The following CDK13 variants were observed in gnomAD, a reference collection of about 807,000 sequenced individuals.
The protein encoded by CDK13 is cyclin-dependent kinase 13.
A neutral mutation model predicts 137.6 loss-of-function variants in CDK13; 40 were observed. That is an observed-to-expected ratio of 0.29 (90% confidence interval 0.23 to 0.38). CDK13 has a LOEUF of 0.38. CDK13 is among the 10% of genes least tolerant of loss of function. The pLI is 1.00. For synonymous variants in CDK13, 869 were observed against 760.1 expected (o/e 1.14, Z -2.36); for missense variants, 1,704 against 1,951.8 (o/e 0.87, Z 2.39).
chr7:40,046,277 C>T (rs1009358049), intron 6 of CDK13, among the ~76,000 whole-genome samples: 2 of 152,050 alleles, frequency 1.3e-5, no homozygotes, highest in Non-Finnish European at 2.9e-5. Context: ...AATAAAGATA[C>T]GGTGTTACAT....
At chr7:40,036,529 G>A (rs1035826788) in intron 5 of CDK13, among the ~76,000 whole-genome samples, 1 of 152,080 alleles carries the variant, frequency 6.6e-6, no homozygotes, top group Non-Finnish European at 1.5e-5. Flanking sequence ...TTGAGATCGT[G>A]CACTGTACTC....
rs141983003 is a variant in CDK13 at position 40,069,585 on chromosome 7, T to G, written c.2780+6485T>G. The G allele has an allele frequency of 1.7e-3, 466 of 274,398 alleles. 1 individual carries two copies. The highest frequency in any genetic ancestry group is 2.6e-3 in the Non-Finnish European group (356 of 134,790). 17.0% of individuals were successfully genotyped at this position (274,398 alleles called of 1,614,324 possible). A position where few individuals can be genotyped will look rare whatever the true frequency, so the allele number is the denominator to read the frequency against. ...CACCTTATTTACAGTAATGCTAGGTTGTTTATAGGCTCAGGAATGATGAGA... is the reference window on the plus strand; with the variant it reads ...CACCTTATTTACAGTAATGCTAGGTGGTTTATAGGCTCAGGAATGATGAGA... On this transcript the variant is annotated intron_variant, in intron 9 of 13. Transcript: ENST00000181839.
intron 1 of CDK13, among the ~76,000 whole-genome samples, chr7:39,976,317 T>TCACACACACA (rs1240166684): frequency 1.3e-3 from 84 of 63,794 alleles, no homozygotes; most frequent in African/African-American, 3.6e-3. Context: ...TCTCTCTCTC[T>TCACACACACA]CTCTCTCACA....
At chr7:39,978,679 T>C (rs1039975658) in intron 1 of CDK13, among the ~76,000 whole-genome samples, 1 of 152,240 alleles carries the variant, frequency 6.6e-6, no homozygotes, top group Non-Finnish European at 1.5e-5. Context: ...TCTCAGACTT[T>C]AATGGATATC....
chr7:39,984,985 G>A (rs1408390078), intron 1 of CDK13: 4 of 148,666 alleles, frequency 2.7e-5, no homozygotes, highest in African/African-American at 5.1e-5. Flanking sequence ...GGGCTGGAGC[G>A]AGACTCTGAC....
intron 3 of CDK13, chr7:39,998,360 C>G (rs1433094408): frequency 6.9e-6 from 1 of 144,584 alleles, no homozygotes; most frequent in Non-Finnish European, 1.5e-5. Context: ...AATCCCAGCA[C>G]TTTGGGAGGC....
chr7:40,094,781 C>T lies in CDK13; in HGVS notation c.4340C>T (p.Pro1447Leu), dbSNP rs758930035. 5.0e-6 allele frequency: 8 copies of T among 1,607,534 alleles called. No homozygotes were observed. The highest frequency in any genetic ancestry group is 6.8e-6 in the Non-Finnish European group (8 of 1,177,376). Residue 1447 changes from proline (P) to leucine (L), a missense_variant, in exon 14 of 14, where the codon CCA becomes CTA. Pro to Leu is a moderately conservative substitution (Grantham distance 98). Around this residue, in one of 5 missense-constraint regions of CDK13, gnomAD observed 475 missense variants for 579.3 expected, o/e 0.82. Transcript: ENST00000181839. The part of the protein sequence containing the change: ...LANSSDPSTG[P>L]ESTHPLPAKM... ...AACAGCAGTGACCCTTCCACGGGGC[C>T]AGAGAGTACTCATCCTTTGCCAGCA...
At chr7:40,048,061 ATC>A (rs1785789713) in intron 7 of CDK13, 184 bp downstream of exon 7, 2 of 404,330 alleles carry the variant, frequency 4.9e-6, no homozygotes, top group Admixed American at 4.1e-5. Flanking sequence ...TTTATACATT[ATC>A]TCAATTTAAA....
intron 7 of CDK13, chr7:40,048,252 T>C (rs1415151546): frequency 5.9e-6 from 1 of 170,862 alleles, no homozygotes; most frequent in Non-Finnish European, 1.3e-5. Flanking sequence ...GATTTTATTG[T>C]TATATCTACA....
At chr7:40,029,590 C>T (rs930160821) in intron 5 of CDK13, among the ~76,000 whole-genome samples, 3 of 150,754 alleles carry the variant, frequency 2.0e-5, no homozygotes, top group South Asian at 2.1e-4. Context: ...CGTGATGGCG[C>T]GCGCCTGTAG....
intron 5 of CDK13, among the ~76,000 whole-genome samples, chr7:40,044,884 C>T (rs1458802320): frequency 6.6e-6 from 1 of 152,128 alleles, no homozygotes; most frequent in East Asian, 1.9e-4. Flanking sequence ...GATCCGCCCA[C>T]CTTGGCCTCC....
At chr7:40,080,884 T>A (rs1786649595) in intron 11 of CDK13, among the ~76,000 whole-genome samples, 1 of 152,198 alleles carries the variant, frequency 6.6e-6, no homozygotes, top group Non-Finnish European at 1.5e-5. Context: ...CTGTAAGAAC[T>A]AGGACTTTAT....
intron 5 of CDK13, among the ~76,000 whole-genome samples, chr7:40,030,462 T>G (rs1039750513): frequency 6.9e-6 from 1 of 144,594 alleles, no homozygotes; most frequent in Non-Finnish European, 1.5e-5. Context: ...GATAAGAGTC[T>G]TGGTCTGACA....
Position 39,976,288 on chromosome 7 carries a change from G to GTCTCTCTCTCTCTCTCTC in CDK13, c.1212-11292_1212-11275dup, listed in dbSNP as rs1174858221. Among the ~76,000 whole-genome samples, 195 of 29,844 alleles carry GTCTCTCTCTCTCTCTCTC rather than the reference G, an allele frequency of 6.5e-3. 19 individuals are homozygous for GTCTCTCTCTCTCTCTCTC. The highest frequency in any genetic ancestry group is 0.013 in the Non-Finnish European group (141 of 11,262). 19.6% of individuals were successfully genotyped at this position (29,844 alleles called of 152,430 possible). ...AGCCTGGGCAACAGAGCGAGATTCC[G>GTCTCTCTCTCTCTCTCTC]TCTCTCTCTCTCTCTCTCTCTCTCT... On this transcript the variant is annotated intron_variant, in intron 1 of 13. Transcript: ENST00000181839.
intron 12 of CDK13, among the ~76,000 whole-genome samples, chr7:40,090,013 G>C (rs908625389): frequency 2.0e-5 from 3 of 152,130 alleles, no homozygotes; most frequent in African/African-American, 7.2e-5. Flanking sequence ...AAAAGCAATT[G>C]TTATTTGTTG....
intron 7 of CDK13, among the ~76,000 whole-genome samples, chr7:40,060,306 A>T (rs1025868114): frequency 6.6e-6 from 1 of 152,204 alleles, no homozygotes; most frequent in Admixed American, 6.5e-5. Flanking sequence ...TTAAAGTAAA[A>T]TAAAAATTAA....
Position 40,094,655 on chromosome 7 carries a change from C to T in CDK13, c.4214C>T (p.Ala1405Val). The T allele has an allele frequency of 6.2e-7, 1 of 1,614,170 alleles. No individual in the cohort carries two copies. Among genetic ancestry groups the T allele is most frequent in the Non-Finnish European group, 8.5e-7 (1 of 1,180,024 alleles). ...TCTGAGTCATTTCCCAGTTCAGTAG[C>T]TGGATATGGAGACATTTACCTCAAT... is the stretch of plus-strand genomic sequence containing the variant. ...AFSESFPSSV[A>V]GYGDIYLNAG... The change falls in exon 14 of 14, where the codon GCT (alanine) becomes GTT (valine). Residue 1405 changes from alanine to valine, a missense_variant. This residue lies in a region of CDK13 where 475 missense variants were observed against 579.3 expected (regional missense o/e 0.82). Transcript: ENST00000181839.
chr7:40,056,252 G>T (rs965696349), intron 7 of CDK13, among the ~76,000 whole-genome samples: 2 of 152,124 alleles, frequency 1.3e-5, no homozygotes, highest in African/African-American at 2.4e-5. Flanking sequence ...CAAAATTTTT[G>T]AGTAAATCAG....
intron 1 of CDK13, among the ~76,000 whole-genome samples, chr7:39,973,847 T>C (rs1784051042): frequency 6.6e-6 from 1 of 152,214 alleles, no homozygotes; most frequent in African/African-American, 2.4e-5. Context: ...GAGTATTCCT[T>C]TTCCATTGAA....
Sources: allele counts gnomAD v4.1 joint callset (sites outside exome capture counted in the v4.1 genomes callset), GRCh38; gene constraint gnomAD v4.1.1; regional missense constraint gnomAD v4.1.1; transcripts MANE v1.5; gene names NCBI Gene and HGNC (gene_info 2026-07-23, HGNC 2026-07-21).